The following GAREM2 variants were observed in gnomAD, a reference collection of about 807,000 sequenced individuals.
The protein encoded by GAREM2 is GRB2-associated and regulator of MAPK protein 2.
GAREM2 carries 30 observed loss-of-function variants against 55.6 expected under a neutral mutation model. The ratio of observed to expected loss-of-function variants is 0.54; its 90% CI spans 0.40 to 0.73. GAREM2 has a LOEUF of 0.73. Among genes scored for constraint, GAREM2 ranks in the 30% least tolerant of loss-of-function variants. The pLI is 0.00. For synonymous variants in GAREM2, 550 were observed against 569.1 expected (o/e 0.97, Z 0.48); for missense variants, 1,075 against 1,257.7 (o/e 0.85, Z 2.20).
Position 26,184,425 on chromosome 2 carries a change from G to C in GAREM2, c.577G>C (p.Ala193Pro). ...GGCCGGGGTGGGCGGCGGCGGCCCAGCGAGCGCGGGGGCCGCGGGAGGCAC... is the reference window on the plus strand; with the variant it reads ...GGCCGGGGTGGGCGGCGGCGGCCCACCGAGCGCGGGGGCCGCGGGAGGCAC... ...ALAGVGGGGP[A>P]SAGAAGGTGG... is the part of the protein sequence containing the mutation. Residue 193 changes from alanine to proline, a missense_variant, in exon 4 of 6, where the codon GCG becomes CCG. Around this residue, in one of 6 missense-constraint regions of GAREM2, gnomAD observed 230 missense variants for 310.6 expected, o/e 0.74. Coordinates refer to ENST00000401533, the MANE Select transcript of GAREM2 (RefSeq NM_001168241.2). 3 of 1,465,782 alleles carry C rather than the reference G, an allele frequency of 2.0e-6. No homozygotes were observed. The highest frequency in any genetic ancestry group is 2.7e-6 in the Non-Finnish European group (3 of 1,108,344). The allele number at this position is 1,465,782 out of a possible 1,614,324, so 90.8% of individuals were successfully genotyped here.
At chr2:26,195,320 A>G in the GAREM2 span, 3 of 1,130,552 alleles carry the variant, frequency 2.7e-6, no homozygotes, top group Non-Finnish European at 4.1e-6. Flanking sequence ...AACACTAGAA[A>G]GAAAGGTGGC....
At position 26,182,840 on chromosome 2, in the gene GAREM2, G is replaced by C; in HGVS notation, c.254-127G>C. On this transcript the variant is annotated intron_variant, in intron 2 of 5. Coordinates refer to ENST00000401533, the MANE Select transcript of GAREM2 (RefSeq NM_001168241.2). Reference sequence around the variant, plus strand: ...CCATGCCAGTGGAAACCTGCCCTTTGGCCCTCCTGAGTTCCTGAGGGGCTG... The same window carrying C: ...CCATGCCAGTGGAAACCTGCCCTTTCGCCCTCCTGAGTTCCTGAGGGGCTG... 2.5e-6 allele frequency: 3 copies of C among 1,184,238 alleles called. No homozygotes were observed. In the South Asian group the frequency reaches 4.5e-5, roughly 18 times the overall value. 73.4% of individuals were successfully genotyped at this position (1,184,238 alleles called of 1,614,324 possible).
chr2:26,203,316 T>C, the GAREM2 span, among the ~76,000 whole-genome samples: 2 of 152,192 alleles, frequency 1.3e-5, no homozygotes, highest in Admixed American at 1.3e-4. Flanking sequence ...TGCAGGATGC[T>C]TTAAGTGCAG....
chr2:26,174,005 C>T (rs964462586), intron 1 of GAREM2, among the ~76,000 whole-genome samples: 5 of 142,846 alleles, frequency 3.5e-5, no homozygotes, highest in Non-Finnish European at 7.6e-5. Flanking sequence ...AGGGTACGCC[C>T]GGAGGCTGCA....
chr2:26,183,734 A>G (rs1174483650), intron 3 of GAREM2, among the ~76,000 whole-genome samples: 1 of 152,166 alleles, frequency 6.6e-6, no homozygotes, highest in East Asian at 1.9e-4. Flanking sequence ...ACAAACAAAC[A>G]AACAAACAAA....
intron 3 of GAREM2, 118 bp downstream of exon 3, chr2:26,183,215 C>G: frequency 1.8e-6 from 2 of 1,131,288 alleles, no homozygotes. Flanking sequence ...CTCCTGGGGA[C>G]CCCTTAGGGG....
At chr2:26,198,689 A>G in the GAREM2 span, among the ~76,000 whole-genome samples, 5 of 151,988 alleles carry the variant, frequency 3.3e-5, no homozygotes, top group Admixed American at 6.5e-5. Context: ...AAAGAACTGT[A>G]TAGGTACTTG....
chr2:26,196,250 T>C, the GAREM2 span, among the ~76,000 whole-genome samples: 1 of 152,238 alleles, frequency 6.6e-6, no homozygotes, highest in African/African-American at 2.4e-5. Flanking sequence ...AATGCCATTA[T>C]GTAATACACA....
At chr2:26,177,020 T>G (rs1016411463) in intron 2 of GAREM2, among the ~76,000 whole-genome samples, 6 of 152,250 alleles carry the variant, frequency 3.9e-5, no homozygotes, top group Admixed American at 1.3e-4. Flanking sequence ...TTCTAAAGAT[T>G]ATGCTAATGG....
intron 2 of GAREM2, among the ~76,000 whole-genome samples, chr2:26,177,448 T>C (rs1668898345): frequency 6.6e-6 from 1 of 152,258 alleles, no homozygotes; most frequent in African/African-American, 2.4e-5. Context: ...CAACTCCATT[T>C]AACTCACCAG....
the GAREM2 span, chr2:26,194,768 A>T: frequency 2.7e-6 from 2 of 740,520 alleles, no homozygotes; most frequent in Non-Finnish European, 4.9e-6. Flanking sequence ...TTAAAATCTC[A>T]ATCAGAATCC....
chr2:26,198,896 C>CTTT, the GAREM2 span, among the ~76,000 whole-genome samples: 1 of 141,472 alleles, frequency 7.1e-6, no homozygotes. Context: ...CAAAACATAA[C>CTTT]TTTTTTTTTT....
chr2:26,197,918 A>C, the GAREM2 span: 1 of 711,120 alleles, frequency 1.4e-6, no homozygotes, highest in East Asian at 2.6e-5. Context: ...ACTCACCCAG[A>C]CATTGACGGA....
chr2:26,185,033 C>A lies in GAREM2; in HGVS notation c.1185C>A (p.Gly395=), dbSNP rs1286327890. ...CCCCCGGGCTCGCCCGCGCCCCCGGCCCGCTAGCGCCGGCTCCCGCCGGCG... is the reference window on the plus strand; with the variant it reads ...CCCCCGGGCTCGCCCGCGCCCCCGGACCGCTAGCGCCGGCTCCCGCCGGCG... ...PRAPGLARAP[G]PLAPAPAGEG... is the part of the protein sequence containing the mutation. The change falls in exon 4 of 6, where the codon GGC becomes GGA. Residue 395 remains glycine (G), a synonymous_variant. Coordinates refer to ENST00000401533, the MANE Select transcript of GAREM2 (RefSeq NM_001168241.2). 2 of 1,162,006 alleles carry A rather than the reference C, an allele frequency of 1.7e-6. No homozygotes were observed. Among genetic ancestry groups the A allele is most frequent in the Non-Finnish European group, 2.1e-6 (2 of 943,188 alleles). 72.0% of individuals were successfully genotyped at this position (1,162,006 alleles called of 1,614,324 possible).
chr2:26,178,964 G>A (rs1186924081), intron 2 of GAREM2, among the ~76,000 whole-genome samples: 1 of 151,092 alleles, frequency 6.6e-6, no homozygotes. Flanking sequence ...TGAGTGCACG[G>A]CTGGGCTCCA....
chr2:26,201,254 C>G, the GAREM2 span: 45 of 1,611,776 alleles, frequency 2.8e-5, no homozygotes, highest in South Asian at 4.6e-4. Context: ...GCTGCCCAGT[C>G]AAGTTGCTGA....
At chr2:26,197,206 G>A in the GAREM2 span, among the ~76,000 whole-genome samples, 2 of 152,064 alleles carry the variant, frequency 1.3e-5, no homozygotes, top group African/African-American at 4.8e-5. Context: ...AAATTTCTGG[G>A]CATCATTCCA....
chr2:26,200,377 C>T, the GAREM2 span, among the ~76,000 whole-genome samples: 2 of 152,180 alleles, frequency 1.3e-5, no homozygotes, highest in Non-Finnish European at 2.9e-5. Context: ...TTCCTACTCC[C>T]CACTTCAAGT....
At chr2:26,195,039 A>C in the GAREM2 span, 46 of 1,375,832 alleles carry the variant, frequency 3.3e-5, no homozygotes, top group Non-Finnish European at 4.7e-5. Context: ...AGGTAAAAGG[A>C]GTCTTATTAG....
Sources: allele counts gnomAD v4.1 joint callset (sites outside exome capture counted in the v4.1 genomes callset), GRCh38; gene constraint gnomAD v4.1.1; regional missense constraint gnomAD v4.1.1; transcripts MANE v1.5; gene names NCBI Gene and HGNC (gene_info 2026-07-23, HGNC 2026-07-21).